CDC42EP1: variants seen among roughly 807,000 people sequenced by gnomAD.
The protein encoded by CDC42EP1 is CDC42 effector protein 1, also known as 55 kDa bone marrow stromal/endothelial cell protein.
CDC42EP1 carries 6 observed loss-of-function variants against 7.4 expected under a neutral mutation model. That is an observed-to-expected ratio of 0.81 (90% CI 0.44 to 1.60). The LOEUF is 1.60. CDC42EP1 is among the 40% of genes most tolerant of loss of function. CDC42EP1 has a pLI of 0.01. For missense variants in CDC42EP1, 567 were observed against 539.0 expected, an observed-to-expected ratio of 1.05 and a Z score of -0.51; for synonymous variants, 238 against 227.1, an observed-to-expected ratio of 1.05 and a Z score of -0.43.
Position 37,569,243 on chromosome 22 carries a change from C to T in CDC42EP1, c.*423C>T, listed in dbSNP as rs1375816136. 2 of 158,300 alleles carry T rather than the reference C, an allele frequency of 1.3e-5. No individual in the cohort carries two copies. The highest frequency in any genetic ancestry group is 6.5e-5 in the Admixed American group (1 of 15,430). The allele number at this position is 158,300 out of a possible 1,614,324, so 9.8% of individuals were successfully genotyped here. On this transcript the variant is annotated 3_prime_UTR_variant, in exon 3 of 3. Coordinates refer to ENST00000249014, the MANE Select transcript of CDC42EP1 (RefSeq NM_152243.3). ...AGCTCATCCCAGAGCGTCCCTGCTG[C>T]AACCCTGACAGCCGTCTCCCAGGCC...
intron 1 of CDC42EP1, among the ~76,000 whole-genome samples, chr22:37,564,853 A>G (rs1925170232): frequency 6.6e-6 from 1 of 152,140 alleles, no homozygotes; most frequent in Non-Finnish European, 1.5e-5. Flanking sequence ...ATCTCGGCTC[A>G]CTGCAACCTC....
At chr22:37,563,966 G>A (rs890978091) in intron 1 of CDC42EP1, among the ~76,000 whole-genome samples, 2 of 152,198 alleles carry the variant, frequency 1.3e-5, no homozygotes, top group East Asian at 3.8e-4. Context: ...AGAAAGGCAG[G>A]AAAATCCAGG....
At chr22:37,561,325 G>C (rs1282371739) in intron 1 of CDC42EP1, among the ~76,000 whole-genome samples, 2 of 152,250 alleles carry the variant, frequency 1.3e-5, no homozygotes, top group Non-Finnish European at 2.9e-5. Flanking sequence ...GACTGGCCGG[G>C]AGGCCGCAGC....
chr22:37,568,074 C>G, intron 2 of CDC42EP1, 34 bp from the exon 3 acceptor site: 3 of 1,565,320 alleles, frequency 1.9e-6, no homozygotes, highest in Non-Finnish European at 2.6e-6. Flanking sequence ...GTGAGGGACC[C>G]CAGCTCTGAG....
In CDC42EP1 at chr22:37,568,097, T is replaced by C. The variant is rs1925309792; in HGVS notation, c.464-11T>C. On this transcript the variant is annotated splice_polypyrimidine_tract_variant and intron_variant, in intron 2 of 2. Transcript: ENST00000249014. The stretch of plus-strand genomic sequence containing the variant: ...CCCCAGCTCTGAGCCCACTGCCCAT[T>C]TCTCTTCTAGGCCTGGACTCTGGGT... 6.2e-7 allele frequency: 1 copy of C among 1,602,012 alleles called. No homozygotes were observed. The highest frequency in any genetic ancestry group is 8.5e-7 in the Non-Finnish European group (1 of 1,172,336).
chr22:37,568,187 C>T lies in CDC42EP1; in HGVS notation c.543C>T (p.Phe181=), dbSNP rs756986704. 3 of 1,614,030 alleles carry T rather than the reference C, an allele frequency of 1.9e-6. No homozygotes were observed. Among genetic ancestry groups the T allele is most frequent in the Non-Finnish European group, 1.7e-6 (2 of 1,179,998 alleles). The change falls in exon 3 of 3, where the codon TTC becomes TTT. Residue 181 remains phenylalanine, a synonymous_variant. Transcript: ENST00000249014. Reference sequence around the variant, plus strand: ...ATGACCGAGACCGGGATGGTTCCTTCCCCTCTGAGCCCGGGCTTCGCCGCT... The same window carrying T: ...ATGACCGAGACCGGGATGGTTCCTTTCCCTCTGAGCCCGGGCTTCGCCGCT... ...KPHDRDRDGS[F]PSEPGLRRSD...
rs774998622 is a variant in CDC42EP1, at chr22:37,568,151, G to T, written c.507G>T (p.Ser169=). ...GFCTISRLPR[S]EKPHDRDRDG... ...GCACCATCTCCCGCCTGCCCCGCTC[G>T]GAAAAGCCGCATGACCGAGACCGGG... The change falls in exon 3 of 3, where the codon TCG becomes TCT. Residue 169 remains serine, a synonymous_variant. Transcript: ENST00000249014. 1.9e-6 allele frequency: 3 copies of T among 1,613,914 alleles called. No homozygotes were observed. Among genetic ancestry groups the T allele is most frequent in the Middle Eastern group, 1.7e-4 (1 of 6,060 alleles).
At position 37,560,632 on chromosome 22, in the gene CDC42EP1, G is replaced by A. The variant is rs1044933493; in HGVS notation, c.-279+44G>A. On this transcript the variant is annotated intron_variant, in intron 1 of 2. Transcript: ENST00000249014. ...GGGTCCTCGGGGCGGAGGCCGTGGA[G>A]GCCGGCGGGTCCCGGCGCCCGCGGG... The A allele has an allele frequency of 6.3e-4, 95 of 150,874 alleles. 1 individual carries two copies. Among genetic ancestry groups the A allele is most frequent in the African/African-American group, 2.2e-3 (91 of 41,388 alleles). 9.3% of individuals were successfully genotyped at this position (150,874 alleles called of 1,614,324 possible).
chr22:37,566,271 C>T lies in CDC42EP1; in HGVS notation c.-79C>T. ...CTTCCGCCAGGGCAAAGGAGCTGAG[C>T]AGCCATCCCAAGCCCAGCCCACCTC... On this transcript the variant is annotated 5_prime_UTR_variant, in exon 2 of 3. Transcript: ENST00000249014. The surrounding 1 kb of genome is among the most constrained non-coding windows in gnomAD (Gnocchi z 6.4). The T allele has an allele frequency of 4.9e-6, 4 of 813,806 alleles. No homozygotes were observed. The highest frequency in any genetic ancestry group is 5.6e-6 in the Non-Finnish European group (3 of 532,098). 50.4% of individuals were successfully genotyped at this position (813,806 alleles called of 1,614,324 possible).
chr22:37,566,676 A>G lies in CDC42EP1; in HGVS notation c.327A>G (p.Pro109=), dbSNP rs745922297. The change falls in exon 2 of 3, where the codon CCA becomes CCG. Residue 109 remains proline (P), a synonymous_variant. Transcript: ENST00000249014. This position sits in a 1 kb window ranked among gnomAD's most constrained non-coding sequence, Gnocchi z 6.4. ...CTCCCCCTGCACCCTCCCCGGCTCC[A>G]CCGGCCATCTCCCCCATCATCAAGA... ...MASPPAPSPA[P]PAISPIIKNA... The G allele has an allele frequency of 9.3e-6, 15 of 1,609,068 alleles. No homozygotes were observed. The highest frequency in any genetic ancestry group is 1.3e-5 in the African/African-American group (1 of 74,718).
rs544768351 is a variant in CDC42EP1, at chr22:37,563,458, C to T, written c.-278-2614C>T. 1.1e-4 allele frequency among the ~76,000 whole-genome samples: 16 copies of T among 152,018 alleles called. No individual in the cohort carries two copies. In the South Asian group the frequency reaches 2.1e-3, roughly 20 times the overall value. On this transcript the variant is annotated intron_variant, in intron 1 of 2. Coordinates refer to ENST00000249014, the MANE Select transcript of CDC42EP1 (RefSeq NM_152243.3). ...ACATTCCACGAGGACTTCTCGGTGC[C>T]GGGGGTGCCAGGGAGGGAAGAAGAT...
intron 1 of CDC42EP1, among the ~76,000 whole-genome samples, chr22:37,561,917 C>G (rs1925054910): frequency 6.6e-6 from 1 of 152,232 alleles, no homozygotes; most frequent in African/African-American, 2.4e-5. Context: ...TGGCCCGATC[C>G]CGGCTCCAAA....
rs1190859443 is a variant in CDC42EP1, at chr22:37,568,337, C to T, written c.693C>T (p.Pro231=). 2 of 1,603,054 alleles carry T rather than the reference C, an allele frequency of 1.2e-6. No homozygotes were observed. Among genetic ancestry groups the T allele is most frequent in the East Asian group, 4.5e-5 (2 of 44,820 alleles). Residue 231 remains proline, a synonymous_variant, in exon 3 of 3, where the codon CCC becomes CCT. Coordinates refer to ENST00000249014, the MANE Select transcript of CDC42EP1 (RefSeq NM_152243.3). ...AGACTCCAGCCCCCGCTGCAAACCC[C>T]CCAGCCCCTACTGCAAACCCCACGG... is the stretch of plus-strand genomic sequence containing the variant. ...AAETPAPAAN[P]PAPTANPTGP... is the part of the protein sequence containing the mutation.
chr22:37,568,763 G>A lies in CDC42EP1; in HGVS notation c.1119G>A (p.Val373=), dbSNP rs979438937. The change falls in exon 3 of 3, where the codon GTG becomes GTA. Residue 373 remains valine, a synonymous_variant. Coordinates refer to ENST00000249014, the MANE Select transcript of CDC42EP1 (RefSeq NM_152243.3). Reference sequence around the variant, plus strand: ...GCAGGACCCCAGTGCCCAGCACAGTGCAAGCAAACACCTTTGAATTTGCGG... The same window carrying A: ...GCAGGACCCCAGTGCCCAGCACAGTACAAGCAAACACCTTTGAATTTGCGG... ...AGSRTPVPST[V]QANTFEFADA... is the part of the protein sequence containing the mutation. 11 of 1,507,200 alleles carry A rather than the reference G, an allele frequency of 7.3e-6. No individual in the cohort carries two copies. In the African/African-American group the frequency reaches 9.8e-5, roughly 13 times the overall value. The allele number at this position is 1,507,200 out of a possible 1,614,324, so 93.4% of individuals were successfully genotyped here.
At chr22:37,567,518 T>G (rs1925288172) in intron 2 of CDC42EP1, among the ~76,000 whole-genome samples, 1 of 151,910 alleles carries the variant, frequency 6.6e-6, no homozygotes, top group African/African-American at 2.4e-5. Flanking sequence ...CTTGCGGGAG[T>G]GGCTCTAACA....
rs192676971 is a variant in CDC42EP1, at chr22:37,568,571, C to G, written c.927C>G (p.Pro309=). The change falls in exon 3 of 3, where the codon CCC becomes CCG. Residue 309 remains proline, a synonymous_variant. Transcript: ENST00000249014. The part of the protein sequence containing the change: ...EVKSSPVGGG[P]RGPAGPALGR... ...AGTCCAGCCCAGTGGGAGGGGGTCC[C>G]CGAGGACCTGCTGGCCCTGCCCTCG... The G allele has an allele frequency of 6.2e-7, 1 of 1,604,646 alleles. No homozygotes were observed. Among genetic ancestry groups the G allele is most frequent in the Non-Finnish European group, 8.5e-7 (1 of 1,175,920 alleles).
At chr22:37,562,290 C>T (rs529488030) in intron 1 of CDC42EP1, among the ~76,000 whole-genome samples, 50 of 152,314 alleles carry the variant, frequency 3.3e-4, no homozygotes, top group African/African-American at 1.2e-3. Context: ...TGAACACTAA[C>T]GGGCGGTGTT....
At chr22:37,565,596 TGA>T in intron 1 of CDC42EP1, 1 of 86,740 alleles carries the variant, frequency 1.2e-5, no homozygotes, top group East Asian at 2.8e-4. Flanking sequence ...TTTTTTTTTT[TGA>T]GACGGAATGT....
intron 1 of CDC42EP1, among the ~76,000 whole-genome samples, chr22:37,565,068 G>A (rs966409095): frequency 2.1e-4 from 32 of 152,182 alleles, no homozygotes; most frequent in African/African-American, 6.3e-4. Context: ...GTGAGCCACC[G>A]CGCCCAGCCC....
Sources: gnomAD v4.1 joint callset for allele counts (sites outside exome capture counted in the v4.1 genomes callset) on GRCh38, gnomAD v4.1.1 for gene constraint, Gnocchi (gnomAD v3.1) non-coding constraint, MANE v1.5 for transcripts, NCBI Gene and HGNC (gene_info 2026-07-23, HGNC 2026-07-21) for gene names.